GAK: variants seen among roughly 807,000 people sequenced by gnomAD.
GAK encodes the protein cyclin-G-associated kinase.
A neutral mutation model predicts 143.9 loss-of-function variants in GAK; 79 were observed. The observed-to-expected ratio is 0.55, with a 90% confidence interval of 0.46 to 0.66. The LOEUF (loss-of-function observed/expected upper bound fraction) is 0.66. GAK is among the 30% of genes least tolerant of loss of function. The pLI is 0.00. For synonymous variants in GAK, 881 were observed against 765.5 expected, an observed-to-expected ratio of 1.15 and a Z score of -2.49; for missense variants, 1,693 against 1,779.7, an observed-to-expected ratio of 0.95 and a Z score of 0.88.
At chr4:872,065 G>A (rs1230432719) in intron 18 of GAK, among the ~76,000 whole-genome samples, 3 of 152,214 alleles carry the variant, frequency 2.0e-5, no homozygotes, top group Non-Finnish European at 2.9e-5. Flanking sequence ...AGTGGGATCC[G>A]CCGAGGGAGG....
intron 4 of GAK, among the ~76,000 whole-genome samples, chr4:909,856 C>G (rs1198539005): frequency 6.6e-6 from 1 of 152,186 alleles, no homozygotes. Context: ...GAAACACAAG[C>G]GGCACATCCC....
intron 10 of GAK, among the ~76,000 whole-genome samples, chr4:890,006 C>A (rs896185698): frequency 4.6e-5 from 7 of 152,212 alleles, no homozygotes; most frequent in African/African-American, 1.7e-4. Flanking sequence ...CTGCTCCTGC[C>A]CCCTGGCCTC....
chr4:893,990 T>C lies in GAK; in HGVS notation c.761A>G (p.Tyr254Cys). 1.2e-6 allele frequency: 2 copies of C among 1,609,870 alleles called. No homozygotes were observed. The highest frequency in any genetic ancestry group is 1.7e-6 in the Non-Finnish European group (2 of 1,178,398). The change falls in exon 8 of 28, where the codon TAC (tyrosine) becomes TGC (cysteine). Residue 254 changes from tyrosine to cysteine, a missense_variant. By Grantham distance (194) the Tyr-to-Cys change is radical (BLOSUM62 -2). This residue lies in a region of GAK where 871 missense variants were observed against 991.0 expected (regional missense o/e 0.88). Transcript: ENST00000314167. Reference protein sequence around the residue: ...QDIWALGCILYLLCFRQHPFE... With the variant: ...QDIWALGCILCLLCFRQHPFE... Reference sequence around the variant, plus strand: ...AGGGTGCTGCCGGAAGCACAGCAGGTACAAGATGCAGCCCAGGGCCTGCGG... The same window carrying C: ...AGGGTGCTGCCGGAAGCACAGCAGGCACAAGATGCAGCCCAGGGCCTGCGG...
intron 9 of GAK, among the ~76,000 whole-genome samples, chr4:892,275 G>A (rs992060867): frequency 1.3e-5 from 2 of 152,272 alleles, no homozygotes; most frequent in African/African-American, 4.8e-5. Flanking sequence ...GCTGAAAAGG[G>A]GACAAAATGC....
At chr4:885,544 G>C (rs945897041) in intron 11 of GAK, among the ~76,000 whole-genome samples, 2 of 152,228 alleles carry the variant, frequency 1.3e-5, no homozygotes, top group Non-Finnish European at 1.5e-5. Flanking sequence ...GGACCTGGCT[G>C]TGTAGGCCTC....
intron 10 of GAK, among the ~76,000 whole-genome samples, chr4:889,471 C>G (rs887740397): frequency 6.6e-6 from 1 of 152,128 alleles, no homozygotes; most frequent in African/African-American, 2.4e-5. Context: ...GGCCAAAGTC[C>G]CTCATGCAGA....
In GAK at chr4:864,068, A is replaced by G. The variant is rs576994679; in HGVS notation, c.3166+1054T>C. ...AACCAGACTACAGTATAATGTAAAT[A>G]TAACTTTTAGCTGGGTGCAGTGGCT... is the stretch of plus-strand genomic sequence containing the variant. On this transcript the variant is annotated intron_variant, in intron 23 of 27. Coordinates refer to ENST00000314167, the MANE Select transcript of GAK (RefSeq NM_005255.4). Among the ~76,000 whole-genome samples, 14 of 149,948 alleles carry G rather than the reference A, an allele frequency of 9.3e-5. No individual in the cohort carries two copies. The South Asian group carries it at 1.1e-3, about 11-fold the overall frequency.
At chr4:850,850 C>A in intron 26 of GAK, 86 bp downstream of exon 26, 1 of 1,453,394 alleles carries the variant, frequency 6.9e-7, no homozygotes, top group Non-Finnish European at 9.3e-7. Context: ...TGTCTGGAGA[C>A]GCCGGCTCCA....
chr4:888,513 C>A (rs1716991150), intron 11 of GAK: 6 of 290,088 alleles, frequency 2.1e-5, no homozygotes, highest in Non-Finnish European at 3.9e-5. Context: ...GAGGCGCCAC[C>A]ACCGAGGTTT....
At chr4:879,938 G>A (rs189135852) in intron 15 of GAK, among the ~76,000 whole-genome samples, 17 of 152,334 alleles carry the variant, frequency 1.1e-4, no homozygotes, top group Admixed American at 8.5e-4. Context: ...TTCTCATTTC[G>A]GGGATTTCCA....
chr4:889,323 G>A (rs956263777), intron 10 of GAK, among the ~76,000 whole-genome samples: 11 of 152,342 alleles, frequency 7.2e-5, no homozygotes, highest in East Asian at 1.9e-4. Context: ...GGGATAGTCC[G>A]GCCTCACGGC....
At chr4:889,277 C>T (rs547051702) in intron 10 of GAK, among the ~76,000 whole-genome samples, 3 of 152,316 alleles carry the variant, frequency 2.0e-5, no homozygotes, top group South Asian at 2.1e-4. Context: ...GCTATGTGGC[C>T]GCCTCAGCAC....
chr4:878,585 T>C (rs948828236), intron 15 of GAK, among the ~76,000 whole-genome samples: 8 of 152,336 alleles, frequency 5.3e-5, no homozygotes, highest in African/African-American at 1.9e-4. Flanking sequence ...GGTTCTTCTA[T>C]ATCCCTGCTG....
In GAK at chr4:877,588, ACAGCGTGGGGCTG is replaced by A. The variant is rs1362400193; in HGVS notation, c.1856+14_1856+26del. 6.5e-7 allele frequency: 1 copy of A among 1,543,500 alleles called. No homozygotes were observed. Among genetic ancestry groups the A allele is most frequent in the East Asian group, 2.3e-5 (1 of 43,954 alleles). ...TCCGGAGGGGTGAGGAGGAGGGAGC[ACAGCGTGGGGCTG>A]CAGCTGCACTCACCGCATCTTGTCG... On this transcript the variant is annotated intron_variant, in intron 16 of 27. Transcript: ENST00000314167.
In GAK at chr4:877,635, G is replaced by A. The variant is rs1714226809; in HGVS notation, c.1836C>T (p.Ser612=). 5 of 1,596,274 alleles carry A rather than the reference G, an allele frequency of 3.1e-6. No homozygotes were observed. Among genetic ancestry groups the A allele is most frequent in the Non-Finnish European group, 2.6e-6 (3 of 1,169,546 alleles). ...YVGDERVAST[S]QEYDKMRDFK... ...CTCACCGCATCTTGTCGTACTCCTG[G>A]GAGGTGCTGGCCACACGCTCGTCCC... The change falls in exon 16 of 28, where the codon TCC becomes TCT. Residue 612 remains serine, a synonymous_variant. Coordinates refer to ENST00000314167, the MANE Select transcript of GAK (RefSeq NM_005255.4).
chr4:858,836 G>A (rs1749747714), intron 24 of GAK, among the ~76,000 whole-genome samples: 1 of 152,228 alleles, frequency 6.6e-6, no homozygotes, highest in Non-Finnish European at 1.5e-5. Flanking sequence ...ACGATGAGGA[G>A]ACGGGAAATG....
chr4:879,789 C>T (rs559631723), intron 15 of GAK, among the ~76,000 whole-genome samples: 3 of 152,330 alleles, frequency 2.0e-5, no homozygotes, highest in South Asian at 4.1e-4. Flanking sequence ...CTGGGCTCCA[C>T]GTGTGTGTGC....
At position 896,348 on chromosome 4, in the gene GAK, G is replaced by T. The variant is rs931157280; in HGVS notation, c.741+112C>A. 7 of 754,838 alleles carry T rather than the reference G, an allele frequency of 9.3e-6. No individual in the cohort carries two copies. In the African/African-American group the frequency reaches 1.0e-4, roughly 11 times the overall value. The allele number at this position is 754,838 out of a possible 1,614,324, so 46.8% of individuals were successfully genotyped here. A position where few individuals can be genotyped will look rare whatever the true frequency, so the allele number is the denominator to read the frequency against. ...AAGAAAAGGGGACGGGAGGGGAAGA[G>T]GGGGTGGAGGAGGCAGGCCAGTTCC... On this transcript the variant is annotated intron_variant, in intron 7 of 27. Coordinates refer to ENST00000314167, the MANE Select transcript of GAK (RefSeq NM_005255.4).
chr4:867,898 C>T (rs1751500112), intron 20 of GAK, among the ~76,000 whole-genome samples: 2 of 152,250 alleles, frequency 1.3e-5, no homozygotes, highest in South Asian at 4.1e-4. Context: ...AAGGGTCTGC[C>T]TGTGGCTCTC....
Sources: allele counts gnomAD v4.1 joint callset (sites outside exome capture counted in the v4.1 genomes callset), GRCh38; gene constraint gnomAD v4.1.1; regional missense constraint gnomAD v4.1.1; transcripts MANE v1.5; gene names NCBI Gene and HGNC (gene_info 2026-07-23, HGNC 2026-07-21).